Variants in ZNF248 observed in about 807,000 individuals in gnomAD.
ZNF248 encodes the protein zinc finger protein 248, also known as KRAB protein domain.
A neutral mutation model predicts 44.3 loss-of-function variants in ZNF248; 20 were observed. The observed-to-expected ratio is 0.45, with a 90% CI of 0.32 to 0.66. ZNF248 has a LOEUF of 0.66. Among genes scored for constraint, ZNF248 ranks in the 30% least tolerant of loss-of-function variants. The pLI is 0.04. For synonymous variants in ZNF248, 224 were observed against 229.0 expected, an observed-to-expected ratio of 0.98 and a Z score of 0.20; for missense variants, 654 against 677.0, an observed-to-expected ratio of 0.97 and a Z score of 0.38.
At chr10:37,790,359 C>T (rs1236238919) in intron 6 of ZNF248, among the ~76,000 whole-genome samples, 4 of 151,548 alleles carry the variant, frequency 2.6e-5, no homozygotes, top group African/African-American at 9.7e-5. Context: ...GCTGGAAAAT[C>T]GCTTGAGCCT....
chr10:37,816,171 G>C (rs1416311081), intron 6 of ZNF248, among the ~76,000 whole-genome samples: 1 of 151,850 alleles, frequency 6.6e-6, no homozygotes, highest in East Asian at 1.9e-4. Context: ...GAAGGCCAGG[G>C]GGGAAGCAAT....
At chr10:37,772,576 C>A (rs1274913258), downstream of ZNF248, among the ~76,000 whole-genome samples, 1 of 152,170 alleles carries the variant, frequency 6.6e-6, no homozygotes, top group Non-Finnish European at 1.5e-5. Context: ...ACTTGGGGCT[C>A]TGATAATGGC....
chr10:37,790,935 A>G (rs1468742204), intron 6 of ZNF248, among the ~76,000 whole-genome samples: 1 of 149,056 alleles, frequency 6.7e-6, no homozygotes, highest in Non-Finnish European at 1.5e-5. Flanking sequence ...AAAAAAAAAA[A>G]AAAGTGTACT....
chr10:37,763,144 T>C, the ZNF248 span, among the ~76,000 whole-genome samples: 3 of 151,304 alleles, frequency 2.0e-5, no homozygotes, highest in South Asian at 6.3e-4. Flanking sequence ...AAAAGAAGAG[T>C]ATATTTGGAA....
intron 6 of ZNF248, among the ~76,000 whole-genome samples, chr10:37,787,498 C>T (rs768672891): frequency 3.0e-5 from 4 of 132,316 alleles, no homozygotes; most frequent in Admixed American, 8.1e-5. Flanking sequence ...GTATGTTTTT[C>T]GGTTTTTGGT....
chr10:37,779,621 C>T (rs1246819226), intron 6 of ZNF248, among the ~76,000 whole-genome samples: 6 of 151,914 alleles, frequency 3.9e-5, no homozygotes, highest in Admixed American at 3.3e-4. Flanking sequence ...GGGATGCCCT[C>T]TCTCACCACT....
intron 6 of ZNF248, among the ~76,000 whole-genome samples, chr10:37,779,459 C>T (rs2047016047): frequency 1.3e-5 from 2 of 152,130 alleles, no homozygotes; most frequent in Admixed American, 1.3e-4. Context: ...TGACAAAATT[C>T]AACAACCCTT....
chr10:37,844,784 T>C (rs1011040718), intron 3 of ZNF248, among the ~76,000 whole-genome samples: 6 of 151,954 alleles, frequency 3.9e-5, no homozygotes, highest in African/African-American at 1.5e-4. Context: ...AAAAATCAGC[T>C]AAACAGAGCA....
chr10:37,763,753 T>A, the ZNF248 span, among the ~76,000 whole-genome samples: 1 of 152,226 alleles, frequency 6.6e-6, no homozygotes, highest in Non-Finnish European at 1.5e-5. Flanking sequence ...CAGAAGAACA[T>A]AAATTGTGAA....
At chr10:37,836,568 TA>T (rs2057222880) in intron 5 of ZNF248, among the ~76,000 whole-genome samples, 1 of 152,132 alleles carries the variant, frequency 6.6e-6, no homozygotes, top group Admixed American at 6.5e-5. Flanking sequence ...ACTTTCATAT[TA>T]AAGCCTCATC....
intron 3 of ZNF248, among the ~76,000 whole-genome samples, chr10:37,846,775 A>C: frequency 6.6e-6 from 1 of 152,336 alleles, no homozygotes; most frequent in Admixed American, 6.5e-5. Context: ...TCAACTACTT[A>C]GAGAAAATAC....
intron 3 of ZNF248, among the ~76,000 whole-genome samples, chr10:37,843,374 G>A (rs1259417411): frequency 3.3e-5 from 5 of 149,716 alleles, no homozygotes; most frequent in East Asian, 2.0e-4. Context: ...GCAGTGAGCC[G>A]AGATTGCACC....
chr10:37,768,211 G>T, the ZNF248 span, among the ~76,000 whole-genome samples: 1 of 152,130 alleles, frequency 6.6e-6, no homozygotes, highest in Non-Finnish European at 1.5e-5. Context: ...ACATTAGATA[G>T]ATCAATGAGA....
chr10:37,788,281 A>G (rs1477752012), intron 6 of ZNF248, among the ~76,000 whole-genome samples: 1 of 150,176 alleles, frequency 6.7e-6, no homozygotes, highest in Admixed American at 6.6e-5. Context: ...AAAAAAAAAA[A>G]GAAAACATGC....
the ZNF248 span, among the ~76,000 whole-genome samples, chr10:37,763,759 G>A: frequency 2.0e-5 from 3 of 152,318 alleles, no homozygotes; most frequent in Non-Finnish European, 4.4e-5. Context: ...AACATAAATT[G>A]TGAAGATTCC....
chr10:37,763,508 T>C, the ZNF248 span, among the ~76,000 whole-genome samples: 1 of 152,220 alleles, frequency 6.6e-6, no homozygotes, highest in South Asian at 2.1e-4. Flanking sequence ...CCACAGGCCT[T>C]TGGCTACCTG....
chr10:37,783,035 C>T (rs1344585960), intron 6 of ZNF248, among the ~76,000 whole-genome samples: 1 of 152,150 alleles, frequency 6.6e-6, no homozygotes, highest in Non-Finnish European at 1.5e-5. Context: ...ATGATCTACC[C>T]TCTTCTTGAG....
the ZNF248 span, among the ~76,000 whole-genome samples, chr10:37,768,798 AT>A: frequency 6.6e-6 from 1 of 152,210 alleles, no homozygotes; most frequent in Non-Finnish European, 1.5e-5. Flanking sequence ...AAATAGAGAC[AT>A]AAAAAACCCT....
At chr10:37,769,391 G>A in the ZNF248 span, among the ~76,000 whole-genome samples, 15 of 152,018 alleles carry the variant, frequency 9.9e-5, no homozygotes, top group South Asian at 4.1e-4. Flanking sequence ...CTGGCAAACC[G>A]AATCCAGCAG....
Sources: gnomAD v4.1 joint callset for allele counts (sites outside exome capture counted in the v4.1 genomes callset) on GRCh38, gnomAD v4.1.1 for gene constraint, MANE v1.5 for transcripts, NCBI Gene and HGNC (gene_info 2026-07-23, HGNC 2026-07-21) for gene names.